The following SNRPD1 variants were observed in gnomAD, a reference collection of about 807,000 sequenced individuals.
SNRPD1 encodes small nuclear ribonucleoprotein D1 polypeptide, also known as small nuclear ribonucleoprotein Sm D1.
In SNRPD1, 1 loss-of-function variant was observed where a neutral mutation model predicts 14.4. The observed-to-expected ratio is 0.07, with a 90% confidence interval of 0.02 to 0.33. The LOEUF (loss-of-function observed/expected upper bound fraction) is 0.33, where lower values mean the gene tolerates loss of function less well. SNRPD1 is among the 10% of genes least tolerant of loss of function. SNRPD1 has a pLI of 1.00. For synonymous variants in SNRPD1, 42 were observed against 50.3 expected, an observed-to-expected ratio of 0.83 and a Z score of 0.70; for missense variants, 52 against 146.4, an observed-to-expected ratio of 0.36 and a Z score of 3.33.
chr18:21,623,678 G>T, intron 2 of SNRPD1, 70 bp from the exon 3 acceptor site: 1 of 1,085,382 alleles, frequency 9.2e-7, no homozygotes. Flanking sequence ...TATTTACTGT[G>T]GCTCAGTAGA....
At chr18:21,618,161 G>A (rs975118768) in intron 1 of SNRPD1, among the ~76,000 whole-genome samples, 1 of 151,940 alleles carries the variant, frequency 6.6e-6, no homozygotes, top group Non-Finnish European at 1.5e-5. Flanking sequence ...AGTGGCTCAC[G>A]CTTGTAATCC....
chr18:21,629,081 A>C lies in SNRPD1; in HGVS notation c.303A>C (p.Gly101=), dbSNP rs2039061157. ...CTTCAGTTGCAGGAAGAGGCAGAGGAAGAGGAAGAGGAAGAGGACGTGGCC... is the reference window on the plus strand; with the variant it reads ...CTTCAGTTGCAGGAAGAGGCAGAGGCAGAGGAAGAGGAAGAGGACGTGGCC... ...KREAVAGRGR[G]RGRGRGRGRG... is the part of the protein sequence containing the mutation. The change falls in exon 4 of 4, where the codon GGA becomes GGC. Residue 101 remains glycine (G), a synonymous_variant. Coordinates refer to ENST00000300413, the MANE Select transcript of SNRPD1 (RefSeq NM_006938.4). 6.2e-7 allele frequency: 1 copy of C among 1,612,144 alleles called. No individual in the cohort carries two copies. The highest frequency in any genetic ancestry group is 8.5e-7 in the Non-Finnish European group (1 of 1,178,406).
chr18:21,624,240 A>G (rs1490688731), intron 3 of SNRPD1, among the ~76,000 whole-genome samples: 1 of 151,872 alleles, frequency 6.6e-6, no homozygotes, highest in African/African-American at 2.4e-5. Context: ...TTAGCTGGGC[A>G]TGGTGGCGGG....
At chr18:21,623,617 G>A (rs553828795) in intron 2 of SNRPD1, 131 bp from the exon 3 acceptor site, 3 of 662,166 alleles carry the variant, frequency 4.5e-6, no homozygotes, top group Admixed American at 3.1e-5. Flanking sequence ...GCTAAATTGT[G>A]TCATAGAAAA....
chr18:21,627,192 C>T (rs2039046624), intron 3 of SNRPD1, among the ~76,000 whole-genome samples: 1 of 152,042 alleles, frequency 6.6e-6, no homozygotes, highest in Non-Finnish European at 1.5e-5. Flanking sequence ...TCGCTTGAAC[C>T]CGAGAGGCGG....
rs1694958479 is a variant in SNRPD1, at chr18:21,629,885, G to A, written c.*747G>A. On this transcript the variant is annotated 3_prime_UTR_variant, in exon 4 of 4. Coordinates refer to ENST00000300413, the MANE Select transcript of SNRPD1 (RefSeq NM_006938.4). ...TACCCACAGGGGAAGTAAGAAGTTT[G>A]TTTTGGTATTTCGGAAACTAAAGTC... The A allele has an allele frequency of 6.6e-6, 1 of 152,126 alleles. No individual in the cohort carries two copies. Among genetic ancestry groups the A allele is most frequent in the African/African-American group, 2.4e-5 (1 of 41,430 alleles). The allele number at this position is 152,126 out of a possible 1,614,324, so 9.4% of individuals were successfully genotyped here.
At chr18:21,621,658 A>G (rs1358050484) in intron 1 of SNRPD1, among the ~76,000 whole-genome samples, 2 of 151,918 alleles carry the variant, frequency 1.3e-5, no homozygotes, top group Non-Finnish European at 2.9e-5. Flanking sequence ...GCTGACTGCA[A>G]TCTCTGCCTC....
At chr18:21,619,141 C>T (rs185147913) in intron 1 of SNRPD1, among the ~76,000 whole-genome samples, 226 of 152,204 alleles carry the variant, frequency 1.5e-3, no homozygotes, top group African/African-American at 5.2e-3. Flanking sequence ...GCTGAAGTGT[C>T]GTAATGCCTA....
chr18:21,627,210 AGTGAGCAGTT>A (rs1474899472), intron 3 of SNRPD1, among the ~76,000 whole-genome samples: 1 of 152,008 alleles, frequency 6.6e-6, no homozygotes, highest in Non-Finnish European at 1.5e-5. Flanking sequence ...CGGAGATTGC[AGTGAGCAGTT>A]GTTTTCTTAA....
At chr18:21,619,493 T>TA (rs1243117867) in intron 1 of SNRPD1, among the ~76,000 whole-genome samples, 16 of 146,820 alleles carry the variant, frequency 1.1e-4, no homozygotes, top group African/African-American at 1.5e-4. Context: ...AGACTGTCTT[T>TA]AAAAAAAAGG....
chr18:21,629,106 C>A lies in SNRPD1; in HGVS notation c.328C>A (p.Arg110Ser). The change falls in exon 4 of 4, where the codon CGT (arginine) becomes AGT (serine). Residue 110 changes from arginine (R) to serine (S), a missense_variant. Arg to Ser is a moderately radical substitution (Grantham distance 110). Coordinates refer to ENST00000300413, the MANE Select transcript of SNRPD1 (RefSeq NM_006938.4). ...RGRGRGRGRG[R>S]GRGRGGPRR ...AAGAGGAAGAGGAAGAGGACGTGGCCGTGGCAGAGGAAGAGGGGGTCCTAG... is the reference window on the plus strand; with the variant it reads ...AAGAGGAAGAGGAAGAGGACGTGGCAGTGGCAGAGGAAGAGGGGGTCCTAG... The A allele has an allele frequency of 6.2e-7, 1 of 1,613,612 alleles. No individual in the cohort carries two copies.
At chr18:21,620,993 C>T (rs1003840916) in intron 1 of SNRPD1, among the ~76,000 whole-genome samples, 11 of 151,600 alleles carry the variant, frequency 7.3e-5, no homozygotes, top group Admixed American at 7.2e-4. Flanking sequence ...GAAACCCCGT[C>T]TCTACTAAAA....
At chr18:21,613,728 G>A (rs959636902) in intron 1 of SNRPD1, among the ~76,000 whole-genome samples, 1 of 151,718 alleles carries the variant, frequency 6.6e-6, no homozygotes, top group African/African-American at 2.4e-5. Context: ...GGTGGCGCGC[G>A]CCTTTAATCC....
At chr18:21,623,214 C>G (rs2039011330) in intron 2 of SNRPD1, among the ~76,000 whole-genome samples, 1 of 152,190 alleles carries the variant, frequency 6.6e-6, no homozygotes, top group Non-Finnish European at 1.5e-5. Flanking sequence ...GCCTCAGCCT[C>G]CCAAGTAGCT....
At chr18:21,617,122 C>T (rs1191601150) in intron 1 of SNRPD1, among the ~76,000 whole-genome samples, 1 of 151,824 alleles carries the variant, frequency 6.6e-6, no homozygotes, top group Non-Finnish European at 1.5e-5. Context: ...AAAACACTTT[C>T]CTTTGCCTGT....
intron 1 of SNRPD1, among the ~76,000 whole-genome samples, chr18:21,616,296 A>C (rs1017367228): frequency 1.3e-5 from 2 of 151,264 alleles, no homozygotes; most frequent in Non-Finnish European, 2.9e-5. Context: ...AGAGTTGTAG[A>C]AATTAGATCT....
rs1018790039 is a variant in SNRPD1, at chr18:21,630,754, C to T, written c.*1616C>T. ...CAGCCTGGGCGATGGAGTGAGACTACGTCTCAAAAAAAAATCGAGAGAGAG... is the reference window on the plus strand; with the variant it reads ...CAGCCTGGGCGATGGAGTGAGACTATGTCTCAAAAAAAAATCGAGAGAGAG... On this transcript the variant is annotated 3_prime_UTR_variant, in exon 4 of 4. Coordinates refer to ENST00000300413, the MANE Select transcript of SNRPD1 (RefSeq NM_006938.4). The T allele has an allele frequency of 4.8e-5, 7 of 146,530 alleles. No individual in the cohort carries two copies. Among genetic ancestry groups the T allele is most frequent in the Non-Finnish European group, 7.4e-5 (5 of 67,126 alleles). The allele number at this position is 146,530 out of a possible 1,614,324, so 9.1% of individuals were successfully genotyped here. A position where few individuals can be genotyped will look rare whatever the true frequency, so the allele number is the denominator to read the frequency against.
At chr18:21,624,600 C>T (rs747030077) in intron 3 of SNRPD1, among the ~76,000 whole-genome samples, 75 of 147,552 alleles carry the variant, frequency 5.1e-4, no homozygotes, top group Non-Finnish European at 9.8e-4. Flanking sequence ...TTGAGGCAGA[C>T]GAATCACTTG....
rs1349875466 is a variant in SNRPD1 at position 21,622,788 on chromosome 18, T to G, written c.78T>G (p.His26Gln). Reference protein sequence around the residue: ...TIELKNGTQVHGTITGVDVSM... With the variant: ...TIELKNGTQVQGTITGVDVSM... ...AATTGAAGAACGGAACACAGGTCCA[T>G]GGAACAATCACAGGTACGGAGGTTG... Residue 26 changes from histidine (H) to glutamine (Q), a missense_variant, in exon 2 of 4, where the codon CAT becomes CAG. By Grantham distance (24) the His-to-Gln change is conservative. Coordinates refer to ENST00000300413, the MANE Select transcript of SNRPD1 (RefSeq NM_006938.4). 4 of 1,570,034 alleles carry G rather than the reference T, an allele frequency of 2.5e-6. No individual in the cohort carries two copies. Among genetic ancestry groups the G allele is most frequent in the South Asian group, 1.1e-5 (1 of 89,908 alleles).
Sources: gnomAD v4.1 joint callset for allele counts (sites outside exome capture counted in the v4.1 genomes callset) on GRCh38, gnomAD v4.1.1 for gene constraint, MANE v1.5 for transcripts, NCBI Gene and HGNC (gene_info 2026-07-23, HGNC 2026-07-21) for gene names.